Variants in STIM2 observed in about 807,000 individuals in gnomAD.
STIM2 encodes the protein stromal interaction molecule 2.
A neutral mutation model predicts 85.8 loss-of-function variants in STIM2; 31 were observed. The ratio of observed to expected loss-of-function variants is 0.36; its 90% CI spans 0.27 to 0.49. The LOEUF is 0.49. STIM2 is among the 20% of genes least tolerant of loss of function. The pLI, the probability that STIM2 is intolerant of heterozygous loss-of-function variation, is 0.98. For synonymous variants in STIM2, 356 were observed against 331.1 expected (o/e 1.08, Z -0.82); for missense variants, 841 against 927.6 (o/e 0.91, Z 1.21).
chr4:26,963,104 T>C (rs1330088033), intron 3 of STIM2, among the ~76,000 whole-genome samples: 3 of 152,168 alleles, frequency 2.0e-5, no homozygotes, highest in African/African-American at 7.2e-5. Flanking sequence ...TATTTTCAAG[T>C]GTACCTAAAG....
chr4:27,020,910 C>T, intron 11 of STIM2: 9 of 1,194,090 alleles, frequency 7.5e-6, no homozygotes, highest in Non-Finnish European at 1.1e-5. Flanking sequence ...GCCTTCAGCT[C>T]TGTTCCCTTC....
chr4:26,861,533 A>C, intron 1 of STIM2, 164 bp downstream of exon 1: 1 of 1,107,868 alleles, frequency 9.0e-7, no homozygotes. Flanking sequence ...TGCACTCCGG[A>C]CGTCTTTCCT....
At chr4:26,877,139 T>G (rs1722840773) in intron 1 of STIM2, among the ~76,000 whole-genome samples, 1 of 152,142 alleles carries the variant, frequency 6.6e-6, no homozygotes, top group South Asian at 2.1e-4. Flanking sequence ...TAAGTATATG[T>G]TAGACTGTTT....
chr4:27,014,341 C>T (rs544511378), intron 10 of STIM2, among the ~76,000 whole-genome samples: 35 of 151,972 alleles, frequency 2.3e-4, no homozygotes, highest in African/African-American at 8.2e-4. Flanking sequence ...ACCTTAGCCA[C>T]CTCCACAAGT....
chr4:26,958,422 T>C (rs17555311), intron 3 of STIM2, among the ~76,000 whole-genome samples: 55,995 of 152,056 alleles, frequency 0.37, 11,949 homozygotes, highest in Non-Finnish European at 0.48. Flanking sequence ...ATTGTAAGCA[T>C]ATATTTTTCT....
At chr4:27,014,238 A>G (rs559667903) in intron 10 of STIM2, among the ~76,000 whole-genome samples, 277 of 151,408 alleles carry the variant, frequency 1.8e-3, no homozygotes, top group Non-Finnish European at 3.4e-3. Flanking sequence ...TTTTTTACTT[A>G]TTGTTTTAAT....
intron 3 of STIM2, among the ~76,000 whole-genome samples, chr4:26,979,572 AAGAGGAAAAGGAACAACTATAAAATTT>A (rs1266402616): frequency 6.6e-6 from 1 of 152,196 alleles, no homozygotes; most frequent in Non-Finnish European, 1.5e-5. Context: ...AAGCCTTCTG[AAGAGGAAAAGGAACAACTATAAAATTT>A]AGAGGGTATA....
intron 7 of STIM2, among the ~76,000 whole-genome samples, chr4:27,004,870 G>A (rs1442477390): frequency 6.6e-6 from 1 of 152,204 alleles, no homozygotes; most frequent in Non-Finnish European, 1.5e-5. Flanking sequence ...TGTGCCAGAA[G>A]TGTATGCTAC....
At chr4:26,941,944 G>GT (rs1725624418) in intron 2 of STIM2, among the ~76,000 whole-genome samples, 1 of 152,014 alleles carries the variant, frequency 6.6e-6, no homozygotes, top group Non-Finnish European at 1.5e-5. Flanking sequence ...ACTTTCTTTT[G>GT]TAGAAGACAA....
intron 11 of STIM2, among the ~76,000 whole-genome samples, chr4:27,020,187 C>T (rs6448490): frequency 0.98 from 149,598 of 152,344 alleles, 73,460 homozygotes; most frequent in East Asian, 1. Flanking sequence ...TTTTAAAATA[C>T]TTTTAGCCTA....
At chr4:26,870,584 A>G (rs1262487948) in intron 1 of STIM2, among the ~76,000 whole-genome samples, 1 of 152,202 alleles carries the variant, frequency 6.6e-6, no homozygotes, top group Non-Finnish European at 1.5e-5. Flanking sequence ...TAACTGATAT[A>G]TGATAGATGT....
intron 1 of STIM2, among the ~76,000 whole-genome samples, chr4:26,890,574 C>A (rs1723429421): frequency 6.6e-6 from 1 of 152,028 alleles, no homozygotes; most frequent in Non-Finnish European, 1.5e-5. Context: ...CCTGTAATCC[C>A]AGCACTTTGG....
At chr4:26,893,434 G>A (rs1230267280) in intron 1 of STIM2, among the ~76,000 whole-genome samples, 1 of 151,794 alleles carries the variant, frequency 6.6e-6, no homozygotes, top group Non-Finnish European at 1.5e-5. Flanking sequence ...TGTGCTTTTT[G>A]CCTGTCTTGC....
chr4:26,929,104 A>ATGAAGGC (rs1346140043), intron 2 of STIM2, among the ~76,000 whole-genome samples: 1 of 152,204 alleles, frequency 6.6e-6, no homozygotes, highest in East Asian at 1.9e-4. Flanking sequence ...GAAGAATAAT[A>ATGAAGGC]TTAAATATCT....
chr4:26,866,667 C>A (rs903905459), intron 1 of STIM2, among the ~76,000 whole-genome samples: 2 of 151,996 alleles, frequency 1.3e-5, no homozygotes, highest in Non-Finnish European at 2.9e-5. Context: ...CTTTACAGTC[C>A]CCTAGTGTAT....
chr4:26,938,328 A>T (rs888880994), intron 2 of STIM2, among the ~76,000 whole-genome samples: 1 of 152,218 alleles, frequency 6.6e-6, no homozygotes, highest in Non-Finnish European at 1.5e-5. Context: ...ATCACCTCAC[A>T]TGTCAAAGGG....
chr4:26,909,991 T>G (rs550400387), intron 1 of STIM2, among the ~76,000 whole-genome samples: 7 of 152,348 alleles, frequency 4.6e-5, no homozygotes, highest in Non-Finnish European at 8.8e-5. Flanking sequence ...GGAGAGAAGT[T>G]GAAAACTGCT....
chr4:26,928,511 C>G (rs1166798797), intron 2 of STIM2, among the ~76,000 whole-genome samples: 2 of 151,888 alleles, frequency 1.3e-5, no homozygotes, highest in Non-Finnish European at 2.9e-5. Context: ...TCTTTTTTAC[C>G]TCATCAGATA....
At chr4:26,873,255 C>T (rs991872783) in intron 1 of STIM2, among the ~76,000 whole-genome samples, 1 of 152,102 alleles carries the variant, frequency 6.6e-6, no homozygotes, top group Admixed American at 6.6e-5. Context: ...AACGATTAGC[C>T]AGGCATGATG....
Sources: allele counts gnomAD v4.1 joint callset (sites outside exome capture counted in the v4.1 genomes callset), GRCh38; gene constraint gnomAD v4.1.1; transcripts MANE v1.5; gene names NCBI Gene and HGNC (gene_info 2026-07-23, HGNC 2026-07-21).